ROCK2: variants seen among roughly 807,000 people sequenced by gnomAD.
ROCK2 encodes Rho associated coiled-coil containing protein kinase 2.
A neutral mutation model predicts 195.1 loss-of-function variants in ROCK2; 61 were observed. The observed-to-expected ratio is 0.31, with a 90% CI of 0.25 to 0.39. The LOEUF (loss-of-function observed/expected upper bound fraction) is 0.39, where lower values mean the gene tolerates loss of function less well. Among genes scored for constraint, ROCK2 ranks in the 10% least tolerant of loss-of-function variants. The pLI is 1.00. For synonymous variants in ROCK2, 504 were observed against 545.5 expected (o/e 0.92, Z 1.06); for missense variants, 1,109 against 1,637.4 (o/e 0.68, Z 5.57).
chr2:11,261,595 G>A (rs1424008932), intron 3 of ROCK2, among the ~76,000 whole-genome samples: 1 of 152,136 alleles, frequency 6.6e-6, no homozygotes, highest in Non-Finnish European at 1.5e-5. Flanking sequence ...GAGGCGGGTG[G>A]ATCATGAGGT....
chr2:11,218,092 T>TC (rs1664495713), intron 11 of ROCK2: 1 of 172,716 alleles, frequency 5.8e-6, no homozygotes, highest in African/African-American at 2.4e-5. Flanking sequence ...ACTGCATCTA[T>TC]CTTAAGCAAA....
rs200853375 is a variant in ROCK2 at position 11,197,188 on chromosome 2, C to G, written c.3440G>C (p.Gly1147Ala). The change falls in exon 27 of 33, where the codon GGG (glycine) becomes GCG (alanine). Residue 1147 changes from glycine to alanine, a missense_variant. By Grantham distance (60) the Gly-to-Ala change is moderately conservative. This residue lies in a region of ROCK2 where 221 missense variants were observed against 355.1 expected (regional missense o/e 0.62). Transcript: ENST00000315872. The surrounding 1 kb of genome is among the most constrained non-coding windows in gnomAD (Gnocchi z 4.9). Reference protein sequence around the residue: ...SGPGDAEADDGFPESRLEGWL... With the variant: ...SGPGDAEADDAFPESRLEGWL... ...TGAAAACAAATCCATACCTGGAAAC[C>G]CATCATCTGCCTCAGCATCCCCTGG... The G allele has an allele frequency of 3.5e-4, 555 of 1,600,770 alleles. No individual in the cohort carries two copies. Among genetic ancestry groups the G allele is most frequent in the Admixed American group, 4.6e-4 (26 of 56,620 alleles).
chr2:11,343,870 C>T, intron 1 of ROCK2, 126 bp downstream of exon 1: 3 of 1,251,398 alleles, frequency 2.4e-6, no homozygotes, highest in Non-Finnish European at 1.1e-6. Flanking sequence ...CCCCGGCTGC[C>T]GGAAGCAGGG....
rs187274599 is a variant in ROCK2 at position 11,308,176 on chromosome 2, A to G, written c.142-20440T>C. On this transcript the variant is annotated intron_variant, in intron 1 of 32. Transcript: ENST00000315872. ...CAAAAAGAGGCCCAAGCTCAACACA[A>G]TAATTCTGAATTCACAGAAGAAAGA... The G allele has an allele frequency of 2.6e-3, 4,225 of 1,595,756 alleles. 10 individuals are homozygous for G. Among genetic ancestry groups the G allele is most frequent in the Non-Finnish European group, 3.2e-3 (3,702 of 1,165,008 alleles).
At chr2:11,185,522 A>G (rs886257808) in intron 32 of ROCK2, among the ~76,000 whole-genome samples, 6 of 152,316 alleles carry the variant, frequency 3.9e-5, no homozygotes, top group African/African-American at 1.4e-4. Flanking sequence ...TGAGGTGAGG[A>G]GTTCAAGACC....
intron 4 of ROCK2, among the ~76,000 whole-genome samples, chr2:11,238,245 T>G (rs1028113327): frequency 8.8e-4 from 34 of 38,430 alleles, no homozygotes; most frequent in Non-Finnish European, 1.9e-3. Context: ...TGTGTGTCTG[T>G]TGTGTGTGTC....
At chr2:11,317,602 A>ATTTTTT (rs1260148475) in intron 1 of ROCK2, among the ~76,000 whole-genome samples, 1 of 16,504 alleles carries the variant, frequency 6.1e-5, no homozygotes, top group East Asian at 9.1e-3. Flanking sequence ...ATATATATAT[A>ATTTTTT]TATATATATA....
At chr2:11,314,813 T>C (rs1448445113) in intron 1 of ROCK2, among the ~76,000 whole-genome samples, 5 of 151,890 alleles carry the variant, frequency 3.3e-5, no homozygotes. Context: ...AAATAGCATA[T>C]CCAAAAACTT....
chr2:11,317,609 TATA>T (rs1389066550), intron 1 of ROCK2, among the ~76,000 whole-genome samples: 346 of 25,020 alleles, frequency 0.014, 13 homozygotes, highest in African/African-American at 0.042. Context: ...TATATATATA[TATA>T]TTTTTTTTTT....
chr2:11,334,436 G>A (rs766886503), intron 1 of ROCK2, among the ~76,000 whole-genome samples: 1 of 150,934 alleles, frequency 6.6e-6, no homozygotes. Context: ...CCTTGAACCC[G>A]GGAGGCAGAG....
chr2:11,272,520 G>A (rs1431804436), intron 3 of ROCK2, among the ~76,000 whole-genome samples: 10 of 152,012 alleles, frequency 6.6e-5, no homozygotes, highest in Non-Finnish European at 1.3e-4. Context: ...TATGGTTTGG[G>A]GCACATAATG....
chr2:11,222,199 A>C, intron 7 of ROCK2, 25 bp from the exon 8 acceptor site: 1 of 1,329,030 alleles, frequency 7.5e-7, no homozygotes, highest in Non-Finnish European at 1.1e-6. Flanking sequence ...TAAAGATTGT[A>C]TTATTTAAAA....
Position 11,216,093 on chromosome 2 carries a change from A to C in ROCK2, c.1461+65T>G, listed in dbSNP as rs577464128. 3.8e-4 allele frequency: 469 copies of C among 1,232,314 alleles called. 2 individuals carry two copies. Among genetic ancestry groups the C allele is most frequent in the Admixed American group, 6.1e-4 (36 of 59,020 alleles). The allele number at this position is 1,232,314 out of a possible 1,614,324, so 76.3% of individuals were successfully genotyped here. ...TACTATGGTACCAAGAGAGCTCCTT[A>C]GGTAAGTCAGACATCAAAGATTTTT... is the stretch of plus-strand genomic sequence containing the variant. On this transcript the variant is annotated intron_variant, in intron 13 of 32. Coordinates refer to ENST00000315872, the MANE Select transcript of ROCK2 (RefSeq NM_004850.5).
At chr2:11,301,225 A>G (rs1479405991) in intron 1 of ROCK2, among the ~76,000 whole-genome samples, 1 of 152,168 alleles carries the variant, frequency 6.6e-6, no homozygotes, top group Non-Finnish European at 1.5e-5. Context: ...ATGTTTTAAT[A>G]CTATAGTCCA....
At position 11,205,597 on chromosome 2, in the gene ROCK2, AT is replaced by A. The variant is rs11376737; in HGVS notation, c.2549+2128del. On this transcript the variant is annotated intron_variant, in intron 20 of 32. Coordinates refer to ENST00000315872, the MANE Select transcript of ROCK2 (RefSeq NM_004850.5). Reference sequence around the variant, plus strand: ...TCATATGTAAATTCCCATTGCATGTATTTTTTTTTTTTTTTTACCTTCTATT... The same window carrying A: ...TCATATGTAAATTCCCATTGCATGTATTTTTTTTTTTTTTTACCTTCTATT... Among the ~76,000 whole-genome samples the A allele has an allele frequency of 7.2e-3, 1,030 of 142,232 alleles. 3 individuals are homozygous for A. The highest frequency in any genetic ancestry group is 0.014 in the African/African-American group (560 of 38,790). 93.3% of individuals were successfully genotyped at this position (142,232 alleles called of 152,430 possible). A position where few individuals can be genotyped will look rare whatever the true frequency, so the allele number is the denominator to read the frequency against.
Position 11,188,709 on chromosome 2 carries a change from C to T in ROCK2, c.4163+3439G>A, listed in dbSNP as rs1279677483. ...CGTGATCTCGGCTCACTACAAGCTC[C>T]GCCTCCCGGGTTCACGCCATTCTCC... On this transcript the variant is annotated intron_variant, in intron 32 of 32. Transcript: ENST00000315872. Among the ~76,000 whole-genome samples the T allele has an allele frequency of 4.0e-5, 6 of 151,312 alleles. No individual in the cohort carries two copies. The South Asian group carries it at 8.4e-4, about 21-fold the overall frequency.
intron 3 of ROCK2, among the ~76,000 whole-genome samples, chr2:11,251,866 C>T (rs976001888): frequency 5.3e-5 from 8 of 152,134 alleles, no homozygotes; most frequent in African/African-American, 1.9e-4. Flanking sequence ...TATGAACAGA[C>T]ACCTCTCAAA....
In ROCK2 at chr2:11,295,973, AGAGAGAGAGAGAGAGAG is replaced by A. The variant is rs1482718437; in HGVS notation, c.142-8254_142-8238del. Among the ~76,000 whole-genome samples the A allele has an allele frequency of 2.7e-3, 200 of 74,252 alleles. 11 individuals are homozygous for A. In the East Asian group the frequency reaches 0.034, roughly 13 times the overall value. 48.7% of individuals were successfully genotyped at this position (74,252 alleles called of 152,430 possible). On this transcript the variant is annotated intron_variant, in intron 1 of 32. Transcript: ENST00000315872. ...TTCCATCTCAAAAAACAAAAGAGAG[AGAGAGAGAGAGAGAGAG>A]GAGAGAGAGAGAGAGGAGAGAGAGA... is the stretch of plus-strand genomic sequence containing the variant.
rs183761211 is a variant in ROCK2, at chr2:11,306,916, T to C, written c.142-19180A>G. Among the ~76,000 whole-genome samples the C allele has an allele frequency of 5.1e-4, 78 of 152,186 alleles. 1 individual carries two copies. The highest frequency in any genetic ancestry group is 1.9e-3 in the African/African-American group (77 of 41,536). ...GAGGAATTAACTATAGCAGACCTGC[T>C]TGAAAAATATGGGAAGATACAGAAA... On this transcript the variant is annotated intron_variant, in intron 1 of 32. Coordinates refer to ENST00000315872, the MANE Select transcript of ROCK2 (RefSeq NM_004850.5).
Sources: allele counts gnomAD v4.1 joint callset (sites outside exome capture counted in the v4.1 genomes callset), GRCh38; gene constraint gnomAD v4.1.1; regional missense constraint gnomAD v4.1.1; non-coding constraint Gnocchi (gnomAD v3.1); transcripts MANE v1.5; gene names NCBI Gene and HGNC (gene_info 2026-07-23, HGNC 2026-07-21).